Variants in TPH1 observed in about 807,000 individuals in gnomAD.
The protein encoded by TPH1 is tryptophan 5-hydroxylase 1.
A neutral mutation model predicts 49.5 loss-of-function variants in TPH1; 37 were observed. The observed-to-expected ratio is 0.75, with a 90% CI of 0.58 to 0.98. The LOEUF (loss-of-function observed/expected upper bound fraction) is 0.98, where lower values mean the gene tolerates loss of function less well. Ranked by LOEUF, TPH1 falls within the 50% of genes least tolerant of loss-of-function variation. The pLI, the probability that TPH1 is intolerant of heterozygous loss-of-function variation, is 0.00. For missense variants in TPH1, 487 were observed against 523.6 expected, an observed-to-expected ratio of 0.93 and a Z score of 0.68; for synonymous variants, 160 against 182.1, an observed-to-expected ratio of 0.88 and a Z score of 0.98.
At chr11:18,036,776 T>G (rs919381022) in intron 2 of TPH1, among the ~76,000 whole-genome samples, 1 of 152,196 alleles carries the variant, frequency 6.6e-6, no homozygotes, top group Non-Finnish European at 1.5e-5. Flanking sequence ...AATCACCCTA[T>G]AGTTTTTTCA....
At chr11:18,027,263 A>C (rs1847939207) in intron 6 of TPH1, among the ~76,000 whole-genome samples, 1 of 152,230 alleles carries the variant, frequency 6.6e-6, no homozygotes, top group Non-Finnish European at 1.5e-5. Context: ...CTTCATTCCA[A>C]ACCCTCACAA....
At chr11:18,032,038 A>T (rs1041745182) in intron 4 of TPH1, among the ~76,000 whole-genome samples, 1 of 152,144 alleles carries the variant, frequency 6.6e-6, no homozygotes, top group Admixed American at 6.5e-5. Flanking sequence ...ATTCAATAAG[A>T]TTATAGAATA....
chr11:18,022,904 T>C lies in TPH1; in HGVS notation c.1054A>G (p.Lys352Glu). 2 of 1,613,618 alleles carry C rather than the reference T, an allele frequency of 1.2e-6. No homozygotes were observed. Among genetic ancestry groups the C allele is most frequent in the Non-Finnish European group, 1.7e-6 (2 of 1,179,622 alleles). The change falls in exon 10 of 11, where the codon AAG (lysine) becomes GAG (glutamate). Residue 352 changes from lysine (K) to glutamate (E), a missense_variant. By Grantham distance (56) the Lys-to-Glu change is moderately conservative. Transcript: ENST00000682019. ...CAGGTAATCTTGGGATCAAAGGGCT[T>C]TACTTTGGCATGTCCAGAAAGTGCA... ...KHALSGHAKVKPFDPKITCKQ... is the reference protein window; with the variant it reads ...KHALSGHAKVEPFDPKITCKQ...
chr11:18,021,214 A>G, intron 10 of TPH1, 49 bp from the exon 11 acceptor site: 1 of 1,561,182 alleles, frequency 6.4e-7, no homozygotes. Flanking sequence ...GGAGTGAATG[A>G]TGAAAACTAA....
intron 4 of TPH1, among the ~76,000 whole-genome samples, chr11:18,031,092 C>T (rs1847985178): frequency 6.6e-6 from 1 of 152,148 alleles, no homozygotes; most frequent in African/African-American, 2.4e-5. Flanking sequence ...AAAGAAACAC[C>T]ATGCTCATTA....
intron 1 of TPH1, among the ~76,000 whole-genome samples, chr11:18,043,817 G>A (rs1432999097): frequency 4.0e-5 from 6 of 151,776 alleles, no homozygotes; most frequent in African/African-American, 1.5e-4. Flanking sequence ...AGTGATCCAT[G>A]ATCGCGCCAC....
intron 3 of TPH1, among the ~76,000 whole-genome samples, chr11:18,034,466 G>A (rs72874061): frequency 1.3e-5 from 2 of 152,160 alleles, no homozygotes; most frequent in African/African-American, 2.4e-5. Context: ...TCTGCAAGGT[G>A]TTAACCCTTT....
At chr11:18,043,080 T>A (rs1305843362) in intron 1 of TPH1, among the ~76,000 whole-genome samples, 1 of 152,162 alleles carries the variant, frequency 6.6e-6, no homozygotes, top group Non-Finnish European at 1.5e-5. Flanking sequence ...CCTGATACCA[T>A]CACCATGACA....
chr11:18,030,447 A>C (rs1162858822), intron 4 of TPH1, among the ~76,000 whole-genome samples: 2 of 151,946 alleles, frequency 1.3e-5, no homozygotes, highest in Non-Finnish European at 2.9e-5. Context: ...CAAAAATCAA[A>C]GCCCAGGAGA....
chr11:18,022,465 T>C (rs1426972413), intron 10 of TPH1, among the ~76,000 whole-genome samples: 4 of 152,218 alleles, frequency 2.6e-5, no homozygotes, highest in Non-Finnish European at 1.5e-5. Context: ...CAGAACAATG[T>C]TTCATCTGTA....
intron 10 of TPH1, among the ~76,000 whole-genome samples, chr11:18,021,651 C>T (rs2134024464): frequency 6.6e-6 from 1 of 152,286 alleles, no homozygotes; most frequent in East Asian, 1.9e-4. Flanking sequence ...CACACATACT[C>T]ACACACCCCA....
chr11:18,032,569 A>G (rs1373600917), intron 4 of TPH1, among the ~76,000 whole-genome samples: 1 of 125,328 alleles, frequency 8.0e-6, no homozygotes, highest in African/African-American at 3.3e-5. Context: ...TTTTTGAGAC[A>G]GAGTCTCACT....
At position 18,022,817 on chromosome 11, in the gene TPH1, C is replaced by A. The variant is rs1489545142; in HGVS notation, c.1141G>T (p.Asp381Tyr). 6.2e-7 allele frequency: 1 copy of A among 1,613,292 alleles called. No individual in the cohort carries two copies. The highest frequency in any genetic ancestry group is 8.5e-7 in the Non-Finnish European group (1 of 1,179,476). The change falls in exon 10 of 11, where the codon GAT (aspartate) becomes TAT (tyrosine). Residue 381 changes from aspartate (D) to tyrosine (Y), a missense_variant. Coordinates refer to ENST00000682019, the MANE Select transcript of TPH1 (RefSeq NM_004179.3). Reference sequence around the variant, plus strand: ...CTGTACCTCATCTTCTCCTTTGCATCTTCAAAACTTTCAGATACAAAGTAG... The same window carrying A: ...CTGTACCTCATCTTCTCCTTTGCATATTCAAAACTTTCAGATACAAAGTAG... ...DVYFVSESFE[D>Y]AKEKMREFTK...
At chr11:18,039,484 T>A (rs1003512334) in intron 2 of TPH1, among the ~76,000 whole-genome samples, 19 of 152,210 alleles carry the variant, frequency 1.2e-4, no homozygotes, top group African/African-American at 4.6e-4. Flanking sequence ...CTATCACAAT[T>A]CAACATCCCC....
intron 10 of TPH1, among the ~76,000 whole-genome samples, chr11:18,022,512 A>T (rs1465932412): frequency 2.0e-5 from 3 of 152,232 alleles, no homozygotes; most frequent in African/African-American, 4.8e-5. Flanking sequence ...ATGTTGTTAT[A>T]CAGTAATTTG....
chr11:18,032,745 A>G (rs1471952383), intron 4 of TPH1, among the ~76,000 whole-genome samples: 2 of 151,432 alleles, frequency 1.3e-5, no homozygotes, highest in Non-Finnish European at 2.9e-5. Flanking sequence ...ACGGGGTCTC[A>G]CTATGTTAGC....
intron 2 of TPH1, among the ~76,000 whole-genome samples, chr11:18,036,865 T>A (rs1395077235): frequency 6.6e-6 from 1 of 152,140 alleles, no homozygotes; most frequent in Non-Finnish European, 1.5e-5. Context: ...TGAACACCTG[T>A]GTAACTAGGT....
intron 2 of TPH1, among the ~76,000 whole-genome samples, chr11:18,037,153 G>C (rs1848054923): frequency 6.6e-6 from 1 of 152,112 alleles, no homozygotes; most frequent in Admixed American, 6.5e-5. Flanking sequence ...GAGCCCAGGA[G>C]TTCAGGACCA....
At chr11:18,041,782 G>C (rs1316131804) in intron 1 of TPH1, among the ~76,000 whole-genome samples, 3 of 152,118 alleles carry the variant, frequency 2.0e-5, no homozygotes, top group African/African-American at 7.2e-5. Flanking sequence ...AAAACTAAAT[G>C]GCCAGTTAAA....
Sources: gnomAD v4.1 joint callset for allele counts (sites outside exome capture counted in the v4.1 genomes callset) on GRCh38, gnomAD v4.1.1 for gene constraint, MANE v1.5 for transcripts, NCBI Gene and HGNC (gene_info 2026-07-23, HGNC 2026-07-21) for gene names.